Variants in FBXO32 observed in about 807,000 individuals in gnomAD.
FBXO32 encodes the protein F-box protein 32.
A neutral mutation model predicts 48.3 loss-of-function variants in FBXO32; 15 were observed. The observed-to-expected ratio is 0.31, with a 90% CI of 0.21 to 0.48. The LOEUF (loss-of-function observed/expected upper bound fraction) is 0.48, where lower values mean the gene tolerates loss of function less well. Ranked by LOEUF, FBXO32 falls within the 20% of genes least tolerant of loss-of-function variation. FBXO32 has a pLI of 0.99. For synonymous variants in FBXO32, 154 were observed against 165.9 expected, an observed-to-expected ratio of 0.93 and a Z score of 0.55; for missense variants, 309 against 432.7, an observed-to-expected ratio of 0.71 and a Z score of 2.54.
Position 123,541,166 on chromosome 8 carries a change from G to A in FBXO32, c.-152C>T, listed in dbSNP as rs1473887170. The A allele has an allele frequency of 7.5e-6, 3 of 397,496 alleles. No individual in the cohort carries two copies. The highest frequency in any genetic ancestry group is 2.1e-5 in the African/African-American group (1 of 47,360). The allele number at this position is 397,496 out of a possible 1,614,324, so 24.6% of individuals were successfully genotyped here. On this transcript the variant is annotated 5_prime_UTR_variant, in exon 1 of 9. Transcript: ENST00000517956. Reference sequence around the variant, plus strand: ...CGCGGGGCACCCTGCGGGGTGGCGGGCGCGGAGAGGATCTCAAGCGTTGCA... The same window carrying A: ...CGCGGGGCACCCTGCGGGGTGGCGGACGCGGAGAGGATCTCAAGCGTTGCA...
rs1158175684 is a variant in FBXO32 at position 123,536,116 on chromosome 8, A to G, written c.117-1302T>C. 9.9e-5 allele frequency among the ~76,000 whole-genome samples: 15 copies of G among 152,208 alleles called. 1 individual carries two copies. On this transcript the variant is annotated intron_variant, in intron 1 of 8. Coordinates refer to ENST00000517956, the MANE Select transcript of FBXO32 (RefSeq NM_058229.4). ...TATGCTTACATGTGACATCTCCAACAATATACTCAGTGTTGCTTTTCTGGA... is the reference window on the plus strand; with the variant it reads ...TATGCTTACATGTGACATCTCCAACGATATACTCAGTGTTGCTTTTCTGGA...
chr8:123,510,798 T>G (rs1424621617), intron 6 of FBXO32, among the ~76,000 whole-genome samples: 1 of 152,216 alleles, frequency 6.6e-6, no homozygotes, highest in African/African-American at 2.4e-5. Context: ...GAACAGGGAA[T>G]AGATGGGTAA....
intron 4 of FBXO32, 137 bp downstream of exon 4, chr8:123,531,761 G>A: frequency 2.1e-6 from 2 of 938,128 alleles, no homozygotes; most frequent in South Asian, 3.5e-5. Context: ...GGAGATTGAG[G>A]GGTCTGTTTT....
intron 4 of FBXO32, among the ~76,000 whole-genome samples, chr8:123,516,656 C>T (rs1005828273): frequency 2.0e-5 from 3 of 152,152 alleles, no homozygotes; most frequent in Admixed American, 6.5e-5. Flanking sequence ...AAACCACACA[C>T]AGACTTTTAA....
intron 1 of FBXO32, among the ~76,000 whole-genome samples, chr8:123,538,574 G>A (rs1357962915): frequency 2.0e-5 from 3 of 152,088 alleles, no homozygotes; most frequent in Non-Finnish European, 4.4e-5. Context: ...ACCACAGAAG[G>A]CCAACTGCTT....
chr8:123,532,054 G>C, intron 3 of FBXO32, 64 bp from the exon 4 acceptor site: 2 of 1,602,346 alleles, frequency 1.2e-6, no homozygotes, highest in Non-Finnish European at 1.7e-6. Flanking sequence ...AAGTAAGAAT[G>C]AGCCAGTTAG....
intron 1 of FBXO32, among the ~76,000 whole-genome samples, chr8:123,539,340 G>A (rs572015320): frequency 6.6e-6 from 1 of 152,330 alleles, no homozygotes; most frequent in African/African-American, 2.4e-5. Flanking sequence ...TTAGGAACAA[G>A]GAGGAAGGAA....
chr8:123,517,538 G>A (rs1353991271), intron 4 of FBXO32, among the ~76,000 whole-genome samples: 1 of 151,530 alleles, frequency 6.6e-6, no homozygotes, highest in Non-Finnish European at 1.5e-5. Flanking sequence ...CCTGGAAGAG[G>A]AGAAGACCTG....
rs1418930527 is a variant in FBXO32 at position 123,499,541 on chromosome 8, A to T, written c.*3832T>A. 6.6e-6 allele frequency: 1 copy of T among 152,172 alleles called. No homozygotes were observed. Among genetic ancestry groups the T allele is most frequent in the Non-Finnish European group, 1.5e-5 (1 of 68,032 alleles). The allele number at this position is 152,172 out of a possible 1,614,324, so 9.4% of individuals were successfully genotyped here. A position where few individuals can be genotyped will look rare whatever the true frequency, so the allele number is the denominator to read the frequency against. ...GTTAAAAAAATTCACACATAAAATT[A>T]CAGTTAAAAAAATTCACACATAAAA... On this transcript the variant is annotated 3_prime_UTR_variant, in exon 9 of 9. Transcript: ENST00000517956.
In FBXO32 at chr8:123,513,892, A is replaced by T. The variant is rs1010063981; in HGVS notation, c.466+348T>A. On this transcript the variant is annotated intron_variant, in intron 5 of 8. Transcript: ENST00000517956. The surrounding 1 kb of genome is among the most constrained non-coding windows in gnomAD (Gnocchi z 4.3). Reference sequence around the variant, plus strand: ...TCCTTCTAGCTCGAATAGTCTACGAATCTATTCTGACTTTGTACACATGTC... The same window carrying T: ...TCCTTCTAGCTCGAATAGTCTACGATTCTATTCTGACTTTGTACACATGTC... 1.3e-5 allele frequency among the ~76,000 whole-genome samples: 2 copies of T among 152,162 alleles called. No homozygotes were observed. The highest frequency in any genetic ancestry group is 4.8e-5 in the African/African-American group (2 of 41,424).
chr8:123,527,283 AGTGT>A (rs1817099452), intron 4 of FBXO32: 2 of 152,128 alleles, frequency 1.3e-5, no homozygotes, highest in Non-Finnish European at 2.9e-5. Flanking sequence ...GTTTTGGAGG[AGTGT>A]AAGTTTGAAT....
intron 6 of FBXO32, among the ~76,000 whole-genome samples, chr8:123,508,550 T>C (rs1397868415): frequency 6.6e-6 from 1 of 152,174 alleles, no homozygotes; most frequent in East Asian, 1.9e-4. Flanking sequence ...CAGCCTCCTA[T>C]TTCATTCAAA....
At position 123,541,088 on chromosome 8, in the gene FBXO32, G is replaced by A. The variant is rs1001957086; in HGVS notation, c.-74C>T. The A allele has an allele frequency of 2.0e-5, 20 of 988,886 alleles. No homozygotes were observed. The highest frequency in any genetic ancestry group is 6.4e-4 in the Middle Eastern group (2 of 3,104). The allele number at this position is 988,886 out of a possible 1,614,324, so 61.3% of individuals were successfully genotyped here. A position where few individuals can be genotyped will look rare whatever the true frequency, so the allele number is the denominator to read the frequency against. ...GGCTCGGGGACGTGCCACCCGGGGC[G>A]GATGCTCGGGGTGCAGGGGCCCGCG... On this transcript the variant is annotated 5_prime_UTR_variant, in exon 1 of 9. Coordinates refer to ENST00000517956, the MANE Select transcript of FBXO32 (RefSeq NM_058229.4).
intron 6 of FBXO32, among the ~76,000 whole-genome samples, chr8:123,511,510 T>C (rs534957217): frequency 2.9e-4 from 44 of 150,958 alleles, no homozygotes; most frequent in African/African-American, 1.0e-3. Flanking sequence ...AGATGGAGTC[T>C]CAGTCTGTCA....
rs1816429018 is a variant in FBXO32, at chr8:123,499,247, T to C, written c.*4126A>G. 1 of 152,242 alleles carries C rather than the reference T, an allele frequency of 6.6e-6. No homozygotes were observed. The highest frequency in any genetic ancestry group is 6.5e-5 in the Admixed American group (1 of 15,288). The allele number at this position is 152,242 out of a possible 1,614,324, so 9.4% of individuals were successfully genotyped here. A position where few individuals can be genotyped will look rare whatever the true frequency, so the allele number is the denominator to read the frequency against. On this transcript the variant is annotated 3_prime_UTR_variant, in exon 9 of 9. Transcript: ENST00000517956. Reference sequence around the variant, plus strand: ...GGAAAACCAAAGATGGTTACTCTTCTTAATGAAACTGAGAAGAAGGTATCT... The same window carrying C: ...GGAAAACCAAAGATGGTTACTCTTCCTAATGAAACTGAGAAGAAGGTATCT...
In FBXO32 at chr8:123,501,601, C is replaced by T. The variant is rs551494899; in HGVS notation, c.*1772G>A. 97 of 152,226 alleles carry T rather than the reference C, an allele frequency of 6.4e-4. No individual in the cohort carries two copies. The highest frequency in any genetic ancestry group is 2.3e-3 in the African/African-American group (94 of 41,536). 9.4% of individuals were successfully genotyped at this position (152,226 alleles called of 1,614,324 possible). On this transcript the variant is annotated 3_prime_UTR_variant, in exon 9 of 9. Coordinates refer to ENST00000517956, the MANE Select transcript of FBXO32 (RefSeq NM_058229.4). ...AGTGAGGAGCACTAAACAGTAGGTT[C>T]CTTCTCTTCAGAAAGCTGATATGTG...
intron 1 of FBXO32, among the ~76,000 whole-genome samples, chr8:123,538,078 T>G (rs1207454935): frequency 6.6e-6 from 1 of 152,140 alleles, no homozygotes; most frequent in Non-Finnish European, 1.5e-5. Flanking sequence ...CCCCTTCTAT[T>G]TTATATAATT....
intron 3 of FBXO32, 50 bp from the exon 4 acceptor site, chr8:123,532,040 A>C: frequency 1.2e-6 from 2 of 1,609,360 alleles, no homozygotes; most frequent in Non-Finnish European, 1.7e-6. Context: ...TGCAGAGGTC[A>C]CCCAAGTAAG....
intron 2 of FBXO32, among the ~76,000 whole-genome samples, chr8:123,533,487 TA>T (rs2130557294): frequency 6.6e-6 from 1 of 152,010 alleles, no homozygotes; most frequent in South Asian, 2.1e-4. Context: ...CAAACTACTA[TA>T]TTTTTTTTTC....
Sources: gnomAD v4.1 joint callset for allele counts (sites outside exome capture counted in the v4.1 genomes callset) on GRCh38, gnomAD v4.1.1 for gene constraint, Gnocchi (gnomAD v3.1) non-coding constraint, MANE v1.5 for transcripts, NCBI Gene and HGNC (gene_info 2026-07-23, HGNC 2026-07-21) for gene names.